Variants in RARB observed in about 807,000 individuals in gnomAD.
The protein encoded by RARB is HBV-activated protein.
In RARB, 17 loss-of-function variants were observed where a neutral mutation model predicts 51.9. The observed-to-expected ratio is 0.33, with a 90% CI of 0.22 to 0.49. RARB has a LOEUF of 0.49. Ranked by LOEUF, RARB falls within the 20% of genes least tolerant of loss-of-function variation. The pLI, the probability that RARB is intolerant of heterozygous loss-of-function variation, is 0.99. For synonymous variants in RARB, 215 were observed against 195.4 expected (o/e 1.10, Z -0.84); for missense variants, 369 against 550.8 (o/e 0.67, Z 3.30).
At chr3:25,594,838 TAA>T (rs3836380) in intron 7 of RARB, among the ~76,000 whole-genome samples, 160 bp downstream of exon 7, 63 of 130,868 alleles carry the variant, frequency 4.8e-4, no homozygotes, top group African/African-American at 4.7e-4. Context: ...CTCCCCCCTC[TAA>T]AAAAAAAAAA....
chr3:25,197,786 A>C (rs1473628604), intron 5 of RARB, among the ~76,000 whole-genome samples: 2 of 152,058 alleles, frequency 1.3e-5, no homozygotes, highest in Non-Finnish European at 2.9e-5. Context: ...AGAAGACACA[A>C]AAAAATGGAA....
chr3:24,988,817 T>A (rs931098707), intron 2 of RARB, among the ~76,000 whole-genome samples: 2 of 152,132 alleles, frequency 1.3e-5, no homozygotes, highest in African/African-American at 4.8e-5. Context: ...TATTTGTTAT[T>A]ATTTTTATTT....
At chr3:25,359,726 T>G (rs2125462790) in intron 5 of RARB, among the ~76,000 whole-genome samples, 1 of 152,332 alleles carries the variant, frequency 6.6e-6, no homozygotes, top group South Asian at 2.1e-4. Context: ...CTCAATTTTG[T>G]TATTTACCCA....
rs983730159 is a variant in RARB at position 25,089,421 on chromosome 3, A to G, written c.-328+29245A>G. On this transcript the variant is annotated intron_variant, in intron 3 of 11. Coordinates refer to the RARB transcript ENST00000383772. ...GATTGAGAGTGTTTTTCCAGCAGGG[A>G]TAAATAAAGGAAGTACAAATAAAAC... Among the ~76,000 whole-genome samples, 8 of 152,220 alleles carry G rather than the reference A, an allele frequency of 5.3e-5. No individual in the cohort carries two copies. The South Asian group carries it at 1.7e-3, about 32-fold the overall frequency.
chr3:24,897,005 CT>C lies in RARB; in HGVS notation c.-380+38256del, dbSNP rs759690369. On this transcript the variant is annotated intron_variant, in intron 2 of 11. Coordinates refer to the RARB transcript ENST00000383772. ...CTGAATGGAAAGCCATTGTCGGTAA[CT>C]TTAGCTCATGGAAAACGACTGGAAG... Among the ~76,000 whole-genome samples, 3 of 152,198 alleles carry C rather than the reference CT, an allele frequency of 2.0e-5. No individual in the cohort carries two copies. In the South Asian group the frequency reaches 6.2e-4, roughly 32 times the overall value.
intron 2 of RARB, among the ~76,000 whole-genome samples, chr3:25,495,120 C>T (rs911211609): frequency 6.6e-6 from 1 of 152,106 alleles, no homozygotes; most frequent in Non-Finnish European, 1.5e-5. Context: ...GTATCTAAAC[C>T]AACAGAAATC....
chr3:24,897,343 TGGACAG>T (rs72028501), intron 2 of RARB, among the ~76,000 whole-genome samples: 5,361 of 152,274 alleles, frequency 0.035, 318 homozygotes, highest in African/African-American at 0.12. Context: ...CTATTAATTT[TGGACAG>T]CATGTGTAGT....
intron 3 of RARB, among the ~76,000 whole-genome samples, chr3:25,511,117 A>G (rs1351638151): frequency 2.0e-5 from 3 of 146,508 alleles, no homozygotes; most frequent in South Asian, 4.3e-4. Flanking sequence ...AACCCTGTTT[A>G]TTTTTTGTTT....
At chr3:24,982,621 A>G (rs1441566368) in intron 2 of RARB, among the ~76,000 whole-genome samples, 4 of 152,214 alleles carry the variant, frequency 2.6e-5, no homozygotes, top group Non-Finnish European at 5.9e-5. Flanking sequence ...AAGTGAAATC[A>G]GAGTACAAAC....
intron 2 of RARB, among the ~76,000 whole-genome samples, chr3:25,495,288 C>T (rs974076631): frequency 6.6e-6 from 1 of 152,130 alleles, no homozygotes; most frequent in Non-Finnish European, 1.5e-5. Flanking sequence ...TCAAAATATG[C>T]AGGAGGGAGG....
chr3:25,063,873 G>C (rs62228523), intron 3 of RARB, among the ~76,000 whole-genome samples: 1 of 152,026 alleles, frequency 6.6e-6, no homozygotes. Context: ...TGTGGTTTAG[G>C]AGAGTCAAAT....
intron 2 of RARB, among the ~76,000 whole-genome samples, chr3:24,909,968 G>T (rs995031349): frequency 9.2e-5 from 14 of 152,010 alleles, no homozygotes; most frequent in Non-Finnish European, 1.8e-4. Flanking sequence ...AAACATTTAT[G>T]CCGCAAAATT....
chr3:25,214,145 A>G (rs1287503518), intron 5 of RARB, among the ~76,000 whole-genome samples: 1 of 152,210 alleles, frequency 6.6e-6, no homozygotes, highest in African/African-American at 2.4e-5. Flanking sequence ...CCAGAAAAGC[A>G]GCATTTTGAA....
intron 1 of RARB, among the ~76,000 whole-genome samples, chr3:25,456,653 A>T (rs1694925035): frequency 9.6e-6 from 1 of 103,684 alleles, no homozygotes; most frequent in South Asian, 3.5e-4. Context: ...TCTGAGGGTG[A>T]TATTTGAATA....
At chr3:25,000,844 T>A (rs1480306838) in intron 2 of RARB, among the ~76,000 whole-genome samples, 1 of 152,192 alleles carries the variant, frequency 6.6e-6, no homozygotes, top group Non-Finnish European at 1.5e-5. Context: ...TATAGATTTT[T>A]ATATGTGTGT....
chr3:25,210,295 G>A (rs1701660057), intron 5 of RARB, among the ~76,000 whole-genome samples: 1 of 152,050 alleles, frequency 6.6e-6, no homozygotes, highest in African/African-American at 2.4e-5. Context: ...GCAGCACAGT[G>A]CTAGGCATAT....
At position 25,079,462 on chromosome 3, in the gene RARB, G is replaced by C. The variant is rs192652043; in HGVS notation, c.-328+19286G>C. Among the ~76,000 whole-genome samples, 199 of 152,226 alleles carry C rather than the reference G, an allele frequency of 1.3e-3. 1 individual carries two copies. The highest frequency in any genetic ancestry group is 1.7e-3 in the Non-Finnish European group (114 of 67,992). On this transcript the variant is annotated intron_variant, in intron 3 of 11. Transcript: ENST00000383772. ...CCCTTCCTCCAATCTTAAGGGGAAA[G>C]CATTTAGTCATTTACCCTTAAGTAT...
At chr3:25,204,881 C>T (rs972123280) in intron 5 of RARB, among the ~76,000 whole-genome samples, 1 of 151,854 alleles carries the variant, frequency 6.6e-6, no homozygotes, top group African/African-American at 2.4e-5. Flanking sequence ...CAGGGACCCA[C>T]TTGAGGAGGC....
At chr3:25,389,475 G>C (rs959500524) in intron 5 of RARB, among the ~76,000 whole-genome samples, 5 of 152,122 alleles carry the variant, frequency 3.3e-5, no homozygotes, top group Admixed American at 3.3e-4. Context: ...ATCAGTAAAA[G>C]GGTGCCAGCA....
Sources: allele counts gnomAD v4.1 joint callset (sites outside exome capture counted in the v4.1 genomes callset), GRCh38; gene constraint gnomAD v4.1.1; transcripts MANE v1.5; gene names NCBI Gene and HGNC (gene_info 2026-07-23, HGNC 2026-07-21).